Variants in TRIM38 observed in about 807,000 individuals in gnomAD.
TRIM38 encodes E3 ubiquitin-protein ligase TRIM38.
A neutral mutation model predicts 35.8 loss-of-function variants in TRIM38; 35 were observed. That is an observed-to-expected ratio of 0.98 (90% confidence interval 0.75 to 1.30). The LOEUF (loss-of-function observed/expected upper bound fraction) is 1.30. TRIM38 is among the 50% of genes most tolerant of loss of function. The pLI is 0.00. For missense variants in TRIM38, 545 were observed against 556.9 expected (o/e 0.98, Z 0.21); for synonymous variants, 198 against 204.7 (o/e 0.97, Z 0.28).
intron 7 of TRIM38, chr6:25,975,021 T>C (rs185107142): frequency 1.0e-6 from 1 of 981,242 alleles, no homozygotes; most frequent in Non-Finnish European, 1.2e-6. Context: ...AACTATTTCT[T>C]TCTTTCTTTC....
rs527484811 is a variant in TRIM38 at position 25,989,555 on chromosome 6, C to T, written c.*5868C>T. The T allele has an allele frequency of 4.0e-5, 5 of 126,212 alleles. No individual in the cohort carries two copies. The East Asian group carries it at 1.4e-3, about 35-fold the overall frequency. 7.8% of individuals were successfully genotyped at this position (126,212 alleles called of 1,614,324 possible). On this transcript the variant is annotated 3_prime_UTR_variant, in exon 8 of 8. Coordinates refer to ENST00000357085, the MANE Select transcript of TRIM38 (RefSeq NM_006355.5). ...TTTTTAATAGAGACGGGTCTTGCTA[C>T]AGTGCCCAGGCTGGTCTCGAACTCC...
chr6:25,991,032 C>T lies in TRIM38; in HGVS notation c.*7345C>T, dbSNP rs1433610647. On this transcript the variant is annotated 3_prime_UTR_variant, in exon 8 of 8. Coordinates refer to ENST00000357085, the MANE Select transcript of TRIM38 (RefSeq NM_006355.5). ...CGGGCATCGGGTGTCCCCATCCTCA[C>T]TTCAGTCCACAGGCAGGGTCCTCAG... is the stretch of plus-strand genomic sequence containing the variant. 3 of 152,294 alleles carry T rather than the reference C, an allele frequency of 2.0e-5. No individual in the cohort carries two copies. Among genetic ancestry groups the T allele is most frequent in the African/African-American group, 7.2e-5 (3 of 41,460 alleles). 9.4% of individuals were successfully genotyped at this position (152,294 alleles called of 1,614,324 possible). A position where few individuals can be genotyped will look rare whatever the true frequency, so the allele number is the denominator to read the frequency against.
chr6:25,974,409 CA>C (rs1474203872), intron 7 of TRIM38, among the ~76,000 whole-genome samples: 1 of 152,162 alleles, frequency 6.6e-6, no homozygotes, highest in East Asian at 1.9e-4. Context: ...AATCTGCCAG[CA>C]AGATGGAGTC....
chr6:25,974,681 A>G (rs1419864436), intron 7 of TRIM38, among the ~76,000 whole-genome samples: 1 of 152,244 alleles, frequency 6.6e-6, no homozygotes, highest in Non-Finnish European at 1.5e-5. Flanking sequence ...CTGCAGATAT[A>G]TTGATGAATT....
intron 7 of TRIM38, among the ~76,000 whole-genome samples, chr6:25,976,893 A>T (rs1760410200): frequency 6.6e-6 from 1 of 152,226 alleles, no homozygotes; most frequent in Non-Finnish European, 1.5e-5. Flanking sequence ...TTACAGATTT[A>T]AAATGGTACC....
At chr6:25,976,394 A>G (rs1054723090) in intron 7 of TRIM38, among the ~76,000 whole-genome samples, 2 of 152,202 alleles carry the variant, frequency 1.3e-5, no homozygotes, top group Non-Finnish European at 2.9e-5. Flanking sequence ...CAGCTTCCCC[A>G]GTAGCTGGGA....
intron 7 of TRIM38, among the ~76,000 whole-genome samples, chr6:25,978,558 G>A (rs1261789526): frequency 4.0e-5 from 6 of 151,774 alleles, no homozygotes; most frequent in South Asian, 2.1e-4. Context: ...TGCCCAAGCC[G>A]AGTGGTACAG....
At chr6:25,977,487 T>C (rs1454589543) in intron 7 of TRIM38, among the ~76,000 whole-genome samples, 1 of 152,076 alleles carries the variant, frequency 6.6e-6, no homozygotes, top group Admixed American at 6.5e-5. Flanking sequence ...CTGGCCAGCA[T>C]TGTGAAACCC....
chr6:25,970,636 A>G (rs1760203052), intron 4 of TRIM38, among the ~76,000 whole-genome samples: 1 of 152,200 alleles, frequency 6.6e-6, no homozygotes, highest in Non-Finnish European at 1.5e-5. Flanking sequence ...CCGTCTATAC[A>G]AGAGTTAAAG....
chr6:25,979,518 A>G (rs1760487509), intron 7 of TRIM38, among the ~76,000 whole-genome samples: 1 of 152,074 alleles, frequency 6.6e-6, no homozygotes, highest in African/African-American at 2.4e-5. Flanking sequence ...CATAAGATTT[A>G]TTATAAAGTT....
At position 25,990,214 on chromosome 6, in the gene TRIM38, C is replaced by T. The variant is rs1329829265; in HGVS notation, c.*6527C>T. 6.6e-6 allele frequency: 1 copy of T among 152,172 alleles called. No homozygotes were observed. Among genetic ancestry groups the T allele is most frequent in the Non-Finnish European group, 1.5e-5 (1 of 68,040 alleles). The allele number at this position is 152,172 out of a possible 1,614,324, so 9.4% of individuals were successfully genotyped here. A position where few individuals can be genotyped will look rare whatever the true frequency, so the allele number is the denominator to read the frequency against. On this transcript the variant is annotated 3_prime_UTR_variant, in exon 8 of 8. Transcript: ENST00000357085. ...GAAATTCATGACATACCTTCTTCCACTCTCCTTTTTATCTTTATTGTTCTG... is the reference window on the plus strand; with the variant it reads ...GAAATTCATGACATACCTTCTTCCATTCTCCTTTTTATCTTTATTGTTCTG...
intron 7 of TRIM38, chr6:25,975,671 C>A: frequency 1.0e-6 from 1 of 976,894 alleles, no homozygotes; most frequent in Non-Finnish European, 1.2e-6. Flanking sequence ...AATCTGACTT[C>A]TCTAGGTAGG....
intron 4 of TRIM38, among the ~76,000 whole-genome samples, chr6:25,969,652 T>C (rs1246562520): frequency 6.6e-6 from 1 of 152,232 alleles, no homozygotes; most frequent in Non-Finnish European, 1.5e-5. Context: ...GGATTCCTGA[T>C]ACTTCAGTCA....
chr6:25,973,114 G>C (rs755932234), intron 6 of TRIM38, 38 bp downstream of exon 6: 3 of 1,614,108 alleles, frequency 1.9e-6, no homozygotes, highest in East Asian at 2.2e-5. Context: ...AGGGGTGTGC[G>C]TATATAGAAA....
At position 25,988,291 on chromosome 6, in the gene TRIM38, A is replaced by T. The variant is rs1380736737; in HGVS notation, c.*4604A>T. The T allele has an allele frequency of 2.0e-5, 3 of 152,162 alleles. No individual in the cohort carries two copies. The highest frequency in any genetic ancestry group is 7.2e-5 in the African/African-American group (3 of 41,404). 9.4% of individuals were successfully genotyped at this position (152,162 alleles called of 1,614,324 possible). A position where few individuals can be genotyped will look rare whatever the true frequency, so the allele number is the denominator to read the frequency against. On this transcript the variant is annotated 3_prime_UTR_variant, in exon 8 of 8. Transcript: ENST00000357085. ...TGCTGTTGTACACTGCTGCTTCAGT[A>T]AAAGTTGCTAACACCACCACTTCAC...
rs1352554002 is a variant in TRIM38 at position 25,988,696 on chromosome 6, A to G, written c.*5009A>G. 1 of 146,998 alleles carries G rather than the reference A, an allele frequency of 6.8e-6. No homozygotes were observed. Among genetic ancestry groups the G allele is most frequent in the Non-Finnish European group, 1.5e-5 (1 of 66,706 alleles). The allele number at this position is 146,998 out of a possible 1,614,324, so 9.1% of individuals were successfully genotyped here. On this transcript the variant is annotated 3_prime_UTR_variant, in exon 8 of 8. Coordinates refer to ENST00000357085, the MANE Select transcript of TRIM38 (RefSeq NM_006355.5). ...CCCATGTTGACCAGGCTGGTCTCAA[A>G]CTCCTGGCCTCAAGCAATCCACCCA...
rs1232931951 is a variant in TRIM38, at chr6:25,966,755, G to A, written c.233G>A (p.Gly78Glu). 10 of 1,614,076 alleles carry A rather than the reference G, an allele frequency of 6.2e-6. No homozygotes were observed. The highest frequency in any genetic ancestry group is 8.5e-6 in the Non-Finnish European group (10 of 1,180,052). ...MDSLRPNKQL[G>E]SLIEALKETD... is the part of the protein sequence containing the mutation. ...AGCCTCCGACCCAACAAGCAGCTGG[G>A]AAGCCTCATTGAAGCCCTCAAAGAG... The change falls in exon 3 of 8, where the codon GGA (glycine) becomes GAA (glutamate). Residue 78 changes from glycine (G) to glutamate (E), a missense_variant. Physicochemically the swap from Gly to Glu is moderately conservative, Grantham distance 98. Coordinates refer to ENST00000357085, the MANE Select transcript of TRIM38 (RefSeq NM_006355.5).
chr6:25,973,445 C>G, intron 7 of TRIM38, 160 bp downstream of exon 7: 1 of 985,414 alleles, frequency 1.0e-6, no homozygotes, highest in Non-Finnish European at 1.2e-6. Flanking sequence ...ATTCACTGCT[C>G]AGTGAATGTG....
rs892111154 is a variant in TRIM38 at position 25,983,257 on chromosome 6, A to C, written c.968A>C (p.Gln323Pro). Reference protein sequence around the residue: ...QVTRGYTQENQDTSSRRFTAF... With the variant: ...QVTRGYTQENPDTSSRRFTAF... ...ACTCGTGGATACACCCAGGAGAATC[A>C]GGACACATCTTCCAGGAGATTTACT... Residue 323 changes from glutamine to proline, a missense_variant, in exon 8 of 8, where the codon CAG becomes CCG. Gln to Pro is a moderately conservative substitution (Grantham distance 76). Transcript: ENST00000357085. The C allele has an allele frequency of 6.2e-6, 10 of 1,614,096 alleles. No homozygotes were observed. In the African/African-American group the frequency reaches 1.1e-4, roughly 17 times the overall value.
Sources: allele counts gnomAD v4.1 joint callset (sites outside exome capture counted in the v4.1 genomes callset), GRCh38; gene constraint gnomAD v4.1.1; transcripts MANE v1.5; gene names NCBI Gene and HGNC (gene_info 2026-07-23, HGNC 2026-07-21).